Variants in ZZEF1 observed in about 807,000 individuals in gnomAD.
ZZEF1 encodes the protein zinc finger ZZ-type and EF-hand domain containing 1.
Under a neutral mutation model 342.8 loss-of-function variants are expected in ZZEF1, and 157 were observed. That is an observed-to-expected ratio of 0.46 (90% CI 0.40 to 0.52). ZZEF1 has a LOEUF of 0.52. Ranked by LOEUF, ZZEF1 falls within the 20% of genes least tolerant of loss-of-function variation. The pLI, the probability that ZZEF1 is intolerant of heterozygous loss-of-function variation, is 0.00. For synonymous variants in ZZEF1, 1,505 were observed against 1,429.1 expected, an observed-to-expected ratio of 1.05 and a Z score of -1.20; for missense variants, 3,480 against 3,725.6, an observed-to-expected ratio of 0.93 and a Z score of 1.72.
At chr17:4,109,545 C>T in intron 6 of ZZEF1, 108 bp downstream of exon 6, 1 of 1,230,428 alleles carries the variant, frequency 8.1e-7, no homozygotes, top group Non-Finnish European at 1.2e-6. Context: ...GCCGAGCTGA[C>T]TGAGCCACAA....
rs2144991425 is a variant in ZZEF1 at position 4,022,814 on chromosome 17, C to T, written c.7107G>A (p.Glu2369=). The T allele has an allele frequency of 1.2e-6, 2 of 1,613,754 alleles. No homozygotes were observed. Among genetic ancestry groups the T allele is most frequent in the Middle Eastern group, 1.6e-4 (1 of 6,062 alleles). Residue 2369 remains glutamate (E), a synonymous_variant, in exon 44 of 55, where the codon GAG becomes GAA. Transcript: ENST00000381638. The part of the protein sequence containing the change: ...LYKTLKAHGF[E]EIRATFLQTD... Reference sequence around the variant, plus strand: ...TCTGAAGGAAAGTAGCACGGATCTCCTCAAAACCGTGAGCCTGCCAAGCAG... The same window carrying T: ...TCTGAAGGAAAGTAGCACGGATCTCTTCAAAACCGTGAGCCTGCCAAGCAG...
intron 2 of ZZEF1, 22 bp from the exon 3 acceptor site, chr17:4,117,188 T>G (rs779551809): frequency 1.9e-6 from 3 of 1,588,554 alleles, no homozygotes; most frequent in Non-Finnish European, 2.6e-6. Flanking sequence ...AAATCCATTT[T>G]TGGTGTTTTG....
chr17:4,009,135 G>T, intron 53 of ZZEF1, 181 bp from the exon 54 acceptor site: 1 of 736,906 alleles, frequency 1.4e-6, no homozygotes, highest in Non-Finnish European at 2.2e-6. Context: ...GGTGCCCGGT[G>T]CCGGGGTCAC....
intron 52 of ZZEF1, among the ~76,000 whole-genome samples, chr17:4,011,703 TA>T (rs936102417): frequency 2.6e-5 from 4 of 151,916 alleles, no homozygotes; most frequent in South Asian, 2.1e-4. Context: ...TGCTTTTTTT[TA>T]AAAAAAATTG....
At position 4,102,356 on chromosome 17, in the gene ZZEF1, C is replaced by T; in HGVS notation, c.1633G>A (p.Gly545Arg). 3 of 1,613,964 alleles carry T rather than the reference C, an allele frequency of 1.9e-6. No individual in the cohort carries two copies. Among genetic ancestry groups the T allele is most frequent in the Non-Finnish European group, 2.5e-6 (3 of 1,179,886 alleles). Residue 545 changes from glycine (G) to arginine (R), a missense_variant, in exon 9 of 55, where the codon GGA (glycine) becomes AGA (arginine). This residue lies in a region of ZZEF1 where 1,528 missense variants were observed against 1,624.1 expected (regional missense o/e 0.94). Transcript: ENST00000381638. ...GGTTCAACAAGGAGGTTTTCGGGTCCAGACTTATCTTCTTTTCCTTTGACA... is the reference window on the plus strand; with the variant it reads ...GGTTCAACAAGGAGGTTTTCGGGTCTAGACTTATCTTCTTTTCCTTTGACA... The part of the protein sequence containing the change: ...CDVKGKEDKS[G>R]PENLLVEPWT...
At chr17:4,020,829 G>A (rs2056249706) in intron 45 of ZZEF1, among the ~76,000 whole-genome samples, 1 of 152,210 alleles carries the variant, frequency 6.6e-6, no homozygotes. Flanking sequence ...GAGCCTTAGG[G>A]CTTTAGTAAG....
chr17:4,022,158 T>C (rs1358634754), intron 44 of ZZEF1, among the ~76,000 whole-genome samples: 1 of 152,168 alleles, frequency 6.6e-6, no homozygotes, highest in Non-Finnish European at 1.5e-5. Flanking sequence ...CACTCCCTCC[T>C]ATGTGGCGGC....
At chr17:4,140,409 G>C (rs2145631584) in intron 1 of ZZEF1, among the ~76,000 whole-genome samples, 1 of 152,268 alleles carries the variant, frequency 6.6e-6, no homozygotes, top group African/African-American at 2.4e-5. Context: ...TGAGCCCCAA[G>C]TGAGGTTAAA....
intron 3 of ZZEF1, 79 bp from the exon 4 acceptor site, chr17:4,114,549 G>A (rs1360137267): frequency 1.7e-6 from 2 of 1,200,754 alleles, no homozygotes; most frequent in East Asian, 2.7e-5. Flanking sequence ...ATATCTAACA[G>A]AAATACGCTT....
At chr17:4,078,803 C>T (rs948078977) in intron 18 of ZZEF1, among the ~76,000 whole-genome samples, 7 of 152,256 alleles carry the variant, frequency 4.6e-5, no homozygotes, top group African/African-American at 1.7e-4. Flanking sequence ...GCCTAACACA[C>T]AGCAGGCATT....
At chr17:4,013,685 T>C (rs2056027666) in intron 51 of ZZEF1, 71 bp from the exon 52 acceptor site, 2 of 1,429,456 alleles carry the variant, frequency 1.4e-6, no homozygotes, top group Non-Finnish European at 1.9e-6. Flanking sequence ...TTAAATAAAG[T>C]ATAACAATTG....
rs549620718 is a variant in ZZEF1, at chr17:4,063,728, ATTTTTTT to A, written c.4718+626_4718+632del. Among the ~76,000 whole-genome samples, 66 of 130,736 alleles carry A rather than the reference ATTTTTTT, an allele frequency of 5.0e-4. No individual in the cohort carries two copies. The South Asian group carries it at 0.016, about 32-fold the overall frequency. The allele number at this position is 130,736 out of a possible 152,430, so 85.8% of individuals were successfully genotyped here. On this transcript the variant is annotated intron_variant, in intron 29 of 54. Coordinates refer to ENST00000381638, the MANE Select transcript of ZZEF1 (RefSeq NM_015113.4). ...GGGCAGGTGCCACCACACTCAGGTCATTTTTTTTTTTTTTTTTGAGACAGAGTCTTGC... is the reference window on the plus strand; with the variant it reads ...GGGCAGGTGCCACCACACTCAGGTCATTTTTTTTTTGAGACAGAGTCTTGC...
chr17:4,008,466 T>C lies in ZZEF1; in HGVS notation c.8805+417A>G, dbSNP rs1597743808. On this transcript the variant is annotated intron_variant, in intron 54 of 54. Transcript: ENST00000381638. The surrounding 1 kb of genome is among the most constrained non-coding windows in gnomAD (Gnocchi z 4.2). ...TATGGATATATGCATAATAGACATA[T>C]CCAAAAGCTTTCTGAGCTCCTCAGT... is the stretch of plus-strand genomic sequence containing the variant. The C allele has an allele frequency of 5.3e-6, 5 of 951,172 alleles. No individual in the cohort carries two copies. The East Asian group carries it at 3.3e-4, about 62-fold the overall frequency. The allele number at this position is 951,172 out of a possible 1,614,324, so 58.9% of individuals were successfully genotyped here.
intron 1 of ZZEF1, among the ~76,000 whole-genome samples, chr17:4,128,531 C>T (rs1319505400): frequency 6.7e-6 from 1 of 149,488 alleles, no homozygotes; most frequent in Non-Finnish European, 1.5e-5. Context: ...GTGATCTAGG[C>T]TCACTGCAAC....
intron 29 of ZZEF1, 38 bp from the exon 30 acceptor site, chr17:4,062,955 T>C (rs1346771987): frequency 1.9e-6 from 3 of 1,575,920 alleles, no homozygotes; most frequent in Non-Finnish European, 2.6e-6. Context: ...CCCAGAAAAC[T>C]CTTGAGCTGG....
intron 26 of ZZEF1, among the ~76,000 whole-genome samples, chr17:4,068,624 T>C (rs2057449423): frequency 6.6e-6 from 1 of 152,214 alleles, no homozygotes; most frequent in African/African-American, 2.4e-5. Flanking sequence ...TCTATGAGGC[T>C]TGCCCCTTCT....
intron 8 of ZZEF1, among the ~76,000 whole-genome samples, chr17:4,104,330 C>T (rs2058174634): frequency 6.6e-6 from 1 of 152,302 alleles, no homozygotes; most frequent in South Asian, 2.1e-4. Flanking sequence ...CCAAAGATGG[C>T]TGTGTTCAAA....
At chr17:4,085,631 G>C (rs765597703) in intron 16 of ZZEF1, 39 bp downstream of exon 16, 4 of 1,610,840 alleles carry the variant, frequency 2.5e-6, no homozygotes, top group Admixed American at 3.3e-5. Context: ...CATCCTCACA[G>C]ACTTCAGACA....
At chr17:4,056,376 T>C (rs1164572709) in intron 32 of ZZEF1, 31 bp from the exon 33 acceptor site, 9 of 1,550,466 alleles carry the variant, frequency 5.8e-6, no homozygotes, top group Non-Finnish European at 7.8e-6. Flanking sequence ...GAGAAAAGCA[T>C]GCCTCTCCCA....
Sources: gnomAD v4.1 joint callset for allele counts (sites outside exome capture counted in the v4.1 genomes callset) on GRCh38, gnomAD v4.1.1 for gene constraint, gnomAD v4.1.1 regional missense constraint, Gnocchi (gnomAD v3.1) non-coding constraint, MANE v1.5 for transcripts, NCBI Gene and HGNC (gene_info 2026-07-23, HGNC 2026-07-21) for gene names.